Variants in RANBP17 observed in about 807,000 individuals in gnomAD.
RANBP17 encodes RAN binding protein 17.
RANBP17 carries 158 observed loss-of-function variants against 141.2 expected under a neutral mutation model. The observed-to-expected ratio is 1.12, with a 90% CI of 0.98 to 1.28. The LOEUF (loss-of-function observed/expected upper bound fraction) is 1.28, where lower values mean the gene tolerates loss of function less well. RANBP17 is among the 50% of genes most tolerant of loss of function. The pLI, the probability that RANBP17 is intolerant of heterozygous loss-of-function variation, is 0.00. For synonymous variants in RANBP17, 430 were observed against 450.0 expected (o/e 0.96, Z 0.56); for missense variants, 1,438 against 1,290.7 (o/e 1.11, Z -1.75).
chr5:171,181,426 G>C (rs1180999102), intron 16 of RANBP17, among the ~76,000 whole-genome samples: 3 of 151,838 alleles, frequency 2.0e-5, no homozygotes, highest in Non-Finnish European at 4.4e-5. Flanking sequence ...ACTCCAGCCT[G>C]GGCGACAGAG....
chr5:170,977,749 C>A (rs1384870892), intron 14 of RANBP17, among the ~76,000 whole-genome samples: 5 of 151,962 alleles, frequency 3.3e-5, no homozygotes, highest in African/African-American at 1.2e-4. Flanking sequence ...CACAAAAAAA[C>A]AAATACCACA....
intron 14 of RANBP17, among the ~76,000 whole-genome samples, chr5:171,065,298 G>A (rs188345625): frequency 3.3e-5 from 5 of 151,970 alleles, no homozygotes; most frequent in Admixed American, 1.3e-4. Flanking sequence ...TCCACAGAAT[G>A]GGGGGGTGGG....
At chr5:171,063,891 T>C (rs1784107128) in intron 14 of RANBP17, among the ~76,000 whole-genome samples, 1 of 152,242 alleles carries the variant, frequency 6.6e-6, no homozygotes, top group South Asian at 2.1e-4. Context: ...CCAGCCTCGC[T>C]GCTGCCTTGC....
At chr5:171,183,494 G>A (rs1213439310) in intron 18 of RANBP17, 64 bp downstream of exon 18, 4 of 1,086,246 alleles carry the variant, frequency 3.7e-6, no homozygotes, top group Admixed American at 1.8e-5. Context: ...GAATAAAGAA[G>A]TGGAGTACTA....
intron 14 of RANBP17, among the ~76,000 whole-genome samples, chr5:171,019,632 A>G (rs145785808): frequency 0.018 from 2,748 of 151,742 alleles, 78 homozygotes; most frequent in African/African-American, 0.063. Flanking sequence ...TATTGTGTCT[A>G]TTTGATTCTT....
At chr5:171,073,889 A>G (rs1391477457) in intron 14 of RANBP17, among the ~76,000 whole-genome samples, 1 of 151,132 alleles carries the variant, frequency 6.6e-6, no homozygotes, top group Non-Finnish European at 1.5e-5. Context: ...ATGGGATGTT[A>G]TATTTTACTC....
chr5:171,286,307 C>G (rs904800456), intron 25 of RANBP17, among the ~76,000 whole-genome samples: 1 of 152,132 alleles, frequency 6.6e-6, no homozygotes, highest in Non-Finnish European at 1.5e-5. Flanking sequence ...GTGCAAAGAA[C>G]AAGTTGGCAG....
rs774445865 is a variant in RANBP17 at position 170,878,161 on chromosome 5, T to G, written c.83T>G (p.Ile28Arg). ...ATAGGGACTGATCTTACACAAAGAA[T>G]AGAGGCTGAGAAAGCACTCTTGGAA... ...LYIGTDLTQR[I>R]EAEKALLELI... Residue 28 changes from isoleucine (I) to arginine (R), a missense_variant, in exon 2 of 28, where the codon ATA becomes AGA. Physicochemically the swap from Ile to Arg is moderately conservative, Grantham distance 97 (BLOSUM62 -3). Transcript: ENST00000523189. 1.9e-6 allele frequency: 3 copies of G among 1,612,792 alleles called. No individual in the cohort carries two copies. The highest frequency in any genetic ancestry group is 2.7e-5 in the African/African-American group (2 of 74,890).
chr5:171,023,342 A>G (rs1781015503), intron 14 of RANBP17, among the ~76,000 whole-genome samples: 2 of 152,200 alleles, frequency 1.3e-5, no homozygotes, highest in South Asian at 2.1e-4. Flanking sequence ...TTGTTCTTAT[A>G]GATTTTACAT....
intron 21 of RANBP17, among the ~76,000 whole-genome samples, chr5:171,215,748 AGTT>A (rs1317863569): frequency 1.3e-5 from 2 of 151,266 alleles, no homozygotes; most frequent in Non-Finnish European, 3.0e-5. Context: ...TTTTTGATGG[AGTT>A]GTTTGTTTTT....
intron 24 of RANBP17, chr5:171,252,845 G>A: frequency 3.1e-6 from 4 of 1,276,028 alleles, no homozygotes; most frequent in Non-Finnish European, 4.6e-6. Flanking sequence ...ATAGTTAAGA[G>A]TCATGATTTT....
intron 14 of RANBP17, among the ~76,000 whole-genome samples, chr5:171,126,537 G>A (rs1756482744): frequency 6.6e-6 from 1 of 152,002 alleles, no homozygotes; most frequent in African/African-American, 2.4e-5. Flanking sequence ...TAAAAAGTTG[G>A]TTTTCTGAAA....
intron 14 of RANBP17, among the ~76,000 whole-genome samples, chr5:171,006,572 A>G (rs1213325500): frequency 6.6e-6 from 1 of 152,120 alleles, no homozygotes; most frequent in Admixed American, 6.5e-5. Context: ...CAGGAAGGGG[A>G]ACATCACACA....
intron 14 of RANBP17, among the ~76,000 whole-genome samples, chr5:170,971,533 C>G (rs1477079515): frequency 6.6e-6 from 1 of 152,110 alleles, no homozygotes; most frequent in East Asian, 1.9e-4. Context: ...ATATTGCCTC[C>G]TTTTTATTGG....
At chr5:170,895,065 T>A (rs1214326993) in intron 4 of RANBP17, among the ~76,000 whole-genome samples, 1 of 152,184 alleles carries the variant, frequency 6.6e-6, no homozygotes, top group African/African-American at 2.4e-5. Context: ...GGTGTACACA[T>A]AGGATGGATG....
In RANBP17 at chr5:171,100,593, A is replaced by G. The variant is rs889504369; in HGVS notation, c.1711-69537A>G. On this transcript the variant is annotated intron_variant, in intron 14 of 27. Transcript: ENST00000523189. Reference sequence around the variant, plus strand: ...CTTTTGAAGTGTTTTTTGTGTCTCTATCTCCTTCAGTTCTGCTCTGATCTT... The same window carrying G: ...CTTTTGAAGTGTTTTTTGTGTCTCTGTCTCCTTCAGTTCTGCTCTGATCTT... Among the ~76,000 whole-genome samples, 25 of 151,700 alleles carry G rather than the reference A, an allele frequency of 1.6e-4. 1 individual carries two copies. Among genetic ancestry groups the G allele is most frequent in the Admixed American group, 5.9e-4 (9 of 15,236 alleles).
intron 25 of RANBP17, among the ~76,000 whole-genome samples, chr5:171,292,268 T>C (rs556890391): frequency 8.0e-4 from 122 of 152,248 alleles, no homozygotes; most frequent in Non-Finnish European, 1.0e-3. Context: ...ACCAGCCTAA[T>C]TGATATGATG....
intron 14 of RANBP17, among the ~76,000 whole-genome samples, chr5:171,117,561 T>A (rs1755724612): frequency 6.6e-6 from 1 of 152,104 alleles, no homozygotes; most frequent in South Asian, 2.1e-4. Flanking sequence ...GTGCAATGGT[T>A]TGGCTTACTG....
intron 10 of RANBP17, 58 bp from the exon 11 acceptor site, chr5:170,919,383 A>T: frequency 8.6e-7 from 1 of 1,162,756 alleles, no homozygotes; most frequent in Non-Finnish European, 1.2e-6. Flanking sequence ...TTTATTCTGT[A>T]ATTCTTATTG....
Sources: gnomAD v4.1 joint callset for allele counts (sites outside exome capture counted in the v4.1 genomes callset) on GRCh38, gnomAD v4.1.1 for gene constraint, MANE v1.5 for transcripts, NCBI Gene and HGNC (gene_info 2026-07-23, HGNC 2026-07-21) for gene names.